TAFA5: variants seen among roughly 807,000 people sequenced by gnomAD.
TAFA5 encodes TAFA chemokine like family member 5.
A neutral mutation model predicts 15.3 loss-of-function variants in TAFA5; 6 were observed. The observed-to-expected ratio is 0.39, with a 90% CI of 0.21 to 0.77. The LOEUF (loss-of-function observed/expected upper bound fraction) is 0.77. TAFA5 is among the 30% of genes least tolerant of loss of function. The probability of loss-of-function intolerance (pLI) is 0.41; values close to 1 mark genes in which losing one functional copy is unlikely to be tolerated. For synonymous variants in TAFA5, 103 were observed against 80.7 expected (o/e 1.28, Z -1.48); for missense variants, 161 against 193.1 (o/e 0.83, Z 0.98).
intron 2 of TAFA5, among the ~76,000 whole-genome samples, chr22:48,652,889 G>A (rs529822354): frequency 3.3e-4 from 50 of 152,260 alleles, no homozygotes; most frequent in Non-Finnish European, 6.5e-4. Context: ...GAGGCTTCCC[G>A]AGGCCATGGG....
chr22:48,667,447 T>C (rs1230053207), intron 2 of TAFA5, among the ~76,000 whole-genome samples: 1 of 148,180 alleles, frequency 6.7e-6, no homozygotes, highest in Non-Finnish European at 1.5e-5. Context: ...GATATCAATA[T>C]ATCAATATTT....
At chr22:48,528,658 G>A (rs970346167) in intron 1 of TAFA5, among the ~76,000 whole-genome samples, 3 of 152,218 alleles carry the variant, frequency 2.0e-5, no homozygotes, top group Non-Finnish European at 2.9e-5. Context: ...CCAATGCTTT[G>A]AGTCAACAAA....
chr22:48,513,660 G>A (rs1400589110), intron 1 of TAFA5, among the ~76,000 whole-genome samples: 2 of 152,250 alleles, frequency 1.3e-5, no homozygotes, highest in African/African-American at 4.8e-5. Context: ...GCCCGCGTCT[G>A]CCCTGTGGTT....
intron 2 of TAFA5, among the ~76,000 whole-genome samples, chr22:48,669,134 G>C (rs1282478700): frequency 6.6e-6 from 1 of 152,224 alleles, no homozygotes; most frequent in African/African-American, 2.4e-5. Context: ...GCCCCCGCCA[G>C]ACACCGAATC....
At chr22:48,707,949 T>C (rs543501505) in intron 3 of TAFA5, 105 bp downstream of exon 3, 2 of 1,445,194 alleles carry the variant, frequency 1.4e-6, no homozygotes, top group African/African-American at 1.4e-5. Flanking sequence ...AGCTGCTCAC[T>C]CCATCCTCAT....
At chr22:48,561,656 AC>A (rs1047063208) in intron 1 of TAFA5, among the ~76,000 whole-genome samples, 1 of 151,552 alleles carries the variant, frequency 6.6e-6, no homozygotes, top group Admixed American at 6.6e-5. Context: ...CAAGCCTTGG[AC>A]CCCCCAACCC....
intron 1 of TAFA5, among the ~76,000 whole-genome samples, chr22:48,633,123 G>C (rs1395528165): frequency 6.6e-6 from 1 of 152,164 alleles, no homozygotes; most frequent in Non-Finnish European, 1.5e-5. Context: ...CCAGCAGCCC[G>C]AAGAGCCAGG....
chr22:48,706,747 G>A (rs1019855148), intron 2 of TAFA5, among the ~76,000 whole-genome samples: 3 of 152,230 alleles, frequency 2.0e-5, no homozygotes, highest in African/African-American at 4.8e-5. Flanking sequence ...TTTTATAAAA[G>A]TAATTATGTG....
chr22:48,506,083 T>G (rs1431092821), intron 1 of TAFA5, among the ~76,000 whole-genome samples: 1 of 152,174 alleles, frequency 6.6e-6, no homozygotes, highest in Non-Finnish European at 1.5e-5. Flanking sequence ...CGCCCTTCCC[T>G]GCACACCCCA....
chr22:48,592,201 G>A (rs1422942141), intron 1 of TAFA5, among the ~76,000 whole-genome samples: 4 of 152,184 alleles, frequency 2.6e-5, no homozygotes, highest in African/African-American at 9.6e-5. Context: ...TGTGCCCAGG[G>A]CACTGTGCCA....
chr22:48,575,168 G>T (rs1382436780), intron 1 of TAFA5, among the ~76,000 whole-genome samples: 5 of 152,156 alleles, frequency 3.3e-5, no homozygotes, highest in Non-Finnish European at 7.4e-5. Context: ...TGCGAGGGAG[G>T]CTGGGCGCCA....
chr22:48,720,619 G>A (rs764717422), intron 3 of TAFA5, among the ~76,000 whole-genome samples: 12 of 152,208 alleles, frequency 7.9e-5, no homozygotes, highest in Admixed American at 2.6e-4. Flanking sequence ...ATGCAGGTGC[G>A]GGGAGCCTGG....
chr22:48,731,229 G>A (rs1310862757), intron 3 of TAFA5, among the ~76,000 whole-genome samples: 1 of 152,210 alleles, frequency 6.6e-6, no homozygotes, highest in African/African-American at 2.4e-5. Context: ...CAGAAGAAAA[G>A]TTGGAGCCAG....
chr22:48,594,877 AT>A (rs376412437), intron 1 of TAFA5, among the ~76,000 whole-genome samples: 8,838 of 143,398 alleles, frequency 0.062, 566 homozygotes, highest in East Asian at 0.17. Context: ...TCCTGAGCAC[AT>A]TTTTTTTTTT....
chr22:48,600,823 C>T (rs28677957), intron 1 of TAFA5, among the ~76,000 whole-genome samples: 67,748 of 152,102 alleles, frequency 0.45, 15,681 homozygotes, highest in Non-Finnish European at 0.51. Flanking sequence ...CTGCTGCGTA[C>T]CCACTGGTCA....
At chr22:48,511,924 T>C (rs906753245) in intron 1 of TAFA5, among the ~76,000 whole-genome samples, 2 of 152,216 alleles carry the variant, frequency 1.3e-5, no homozygotes, top group African/African-American at 4.8e-5. Flanking sequence ...CGGGGCTTGC[T>C]GTGGGGAACG....
intron 1 of TAFA5, among the ~76,000 whole-genome samples, chr22:48,605,440 G>A (rs1601610242): frequency 2.0e-5 from 3 of 149,728 alleles, no homozygotes; most frequent in South Asian, 2.1e-4. Flanking sequence ...TGGTGGTGGT[G>A]GTGGTGATGG....
At chr22:48,578,019 C>T (rs1923881973) in intron 1 of TAFA5, among the ~76,000 whole-genome samples, 1 of 152,216 alleles carries the variant, frequency 6.6e-6, no homozygotes. Flanking sequence ...TGTCGCGTGT[C>T]AGGACTGTGG....
intron 1 of TAFA5, among the ~76,000 whole-genome samples, chr22:48,513,939 G>A (rs1372703772): frequency 1.3e-5 from 2 of 152,146 alleles, no homozygotes; most frequent in African/African-American, 2.4e-5. Context: ...CAGGAGGAAA[G>A]GGGGATGATC....
Sources: allele counts gnomAD v4.1 joint callset (sites outside exome capture counted in the v4.1 genomes callset), GRCh38; gene constraint gnomAD v4.1.1; transcripts MANE v1.5; gene names NCBI Gene and HGNC (gene_info 2026-07-23, HGNC 2026-07-21).